The following EYA4 variants were observed in gnomAD, a reference collection of about 807,000 sequenced individuals.
EYA4 encodes the protein EYA transcriptional coactivator and phosphatase 4, also known as protein phosphatase EYA4.
EYA4 carries 31 observed loss-of-function variants against 87.9 expected under a neutral mutation model. That is an observed-to-expected ratio of 0.35 (90% CI 0.27 to 0.48). EYA4 has a LOEUF of 0.48. EYA4 is among the 20% of genes least tolerant of loss of function. EYA4 has a pLI of 0.99. For missense variants in EYA4, 678 were observed against 761.4 expected (o/e 0.89, Z 1.29); for synonymous variants, 263 against 270.6 (o/e 0.97, Z 0.28).
At chr6:133,287,321 G>T (rs1391115378) in intron 2 of EYA4, among the ~76,000 whole-genome samples, 1 of 152,188 alleles carries the variant, frequency 6.6e-6, no homozygotes, top group Non-Finnish European at 1.5e-5. Context: ...AGATAGACTA[G>T]GTTACACCTT....
chr6:133,505,246 C>T (rs777207599), intron 13 of EYA4, among the ~76,000 whole-genome samples: 18 of 152,116 alleles, frequency 1.2e-4, no homozygotes, highest in Non-Finnish European at 2.4e-4. Flanking sequence ...ATGCTCCTTT[C>T]TTTTTAGTCT....
Position 133,468,714 on chromosome 6 carries a change from G to C in EYA4, c.953G>C (p.Gly318Ala). The C allele has an allele frequency of 6.2e-7, 1 of 1,612,968 alleles. No homozygotes were observed. The highest frequency in any genetic ancestry group is 8.5e-7 in the Non-Finnish European group (1 of 1,179,244). ...STYQLQESLP[G>A]LTNQPGEFDT... ...TATCAGTTGCAGGAATCTCTCCCAG[G>C]ACTGACTAACCAACCAGGTACAGAT... The change falls in exon 11 of 20, where the codon GGA becomes GCA. Residue 318 changes from glycine (G) to alanine (A), a missense_variant. Coordinates refer to ENST00000355286, the MANE Select transcript of EYA4 (RefSeq NM_004100.5).
At chr6:133,305,428 T>G (rs945720474) in intron 2 of EYA4, among the ~76,000 whole-genome samples, 3 of 152,126 alleles carry the variant, frequency 2.0e-5, no homozygotes, top group African/African-American at 4.8e-5. Context: ...TGAGAAGTGG[T>G]GCTTGTAAGG....
chr6:133,463,354 CTTTTTTTT>C (rs571663764), intron 9 of EYA4, among the ~76,000 whole-genome samples: 4 of 115,232 alleles, frequency 3.5e-5, no homozygotes, highest in South Asian at 2.8e-4. Context: ...TGTGTTTTAT[CTTTTTTTT>C]TTTTTTTTTT....
Position 133,530,026 on chromosome 6 carries a change from A to G in EYA4, c.*1221A>G, listed in dbSNP as rs1223797073. On this transcript the variant is annotated 3_prime_UTR_variant, in exon 20 of 20. Coordinates refer to ENST00000355286, the MANE Select transcript of EYA4 (RefSeq NM_004100.5). Reference sequence around the variant, plus strand: ...ATAAAGCTAAGTATGTTTATTCCCAATGCCATGGCAAAAATGATAATATCA... The same window carrying G: ...ATAAAGCTAAGTATGTTTATTCCCAGTGCCATGGCAAAAATGATAATATCA... 1.0e-6 allele frequency: 1 copy of G among 985,230 alleles called. No homozygotes were observed. The highest frequency in any genetic ancestry group is 1.2e-6 in the Non-Finnish European group (1 of 829,724). The allele number at this position is 985,230 out of a possible 1,614,324, so 61.0% of individuals were successfully genotyped here.
intron 16 of EYA4, among the ~76,000 whole-genome samples, chr6:133,513,359 A>G (rs1799321562): frequency 6.6e-6 from 1 of 152,220 alleles, no homozygotes; most frequent in Non-Finnish European, 1.5e-5. Context: ...AGAGGAACTA[A>G]CCGAGGCAAC....
At chr6:133,289,755 G>A (rs963754847) in intron 2 of EYA4, among the ~76,000 whole-genome samples, 37 of 151,666 alleles carry the variant, frequency 2.4e-4, no homozygotes, top group African/African-American at 8.8e-4. Context: ...CAAAGTACTT[G>A]AAATTCGGTG....
chr6:133,462,817 A>G, intron 9 of EYA4, 53 bp downstream of exon 9: 1 of 1,523,242 alleles, frequency 6.6e-7, no homozygotes. Context: ...TTTGAGTGAG[A>G]CTCATTGGCT....
chr6:133,391,874 C>T (rs1043389673), intron 3 of EYA4, among the ~76,000 whole-genome samples: 1 of 152,176 alleles, frequency 6.6e-6, no homozygotes, highest in South Asian at 2.1e-4. Flanking sequence ...ACCCCTCCCT[C>T]ATCCTTCACT....
At chr6:133,514,062 A>G (rs1799388488) in intron 16 of EYA4, among the ~76,000 whole-genome samples, 1 of 152,198 alleles carries the variant, frequency 6.6e-6, no homozygotes. Flanking sequence ...GAGATGCTCA[A>G]CAGATACATA....
At chr6:133,282,716 C>T (rs925049975) in intron 2 of EYA4, among the ~76,000 whole-genome samples, 1 of 152,086 alleles carries the variant, frequency 6.6e-6, no homozygotes, top group Non-Finnish European at 1.5e-5. Flanking sequence ...CAGCTGGTAA[C>T]AGCTGTTTGT....
At chr6:133,362,142 C>T (rs533105247) in intron 2 of EYA4, among the ~76,000 whole-genome samples, 49 of 152,260 alleles carry the variant, frequency 3.2e-4, no homozygotes, top group African/African-American at 1.1e-3. Context: ...AGTATTAACC[C>T]TCAAGGTTCT....
At chr6:133,511,115 G>A (rs1226019442) in intron 14 of EYA4, among the ~76,000 whole-genome samples, 1 of 152,100 alleles carries the variant, frequency 6.6e-6, no homozygotes, top group Non-Finnish European at 1.5e-5. Flanking sequence ...TACTGATTGG[G>A]CTAGTCACTG....
intron 2 of EYA4, among the ~76,000 whole-genome samples, chr6:133,297,091 T>C (rs1055008412): frequency 2.0e-5 from 3 of 152,238 alleles, no homozygotes; most frequent in African/African-American, 7.2e-5. Flanking sequence ...TAAATTTTCC[T>C]CAATATGTAA....
intron 12 of EYA4, among the ~76,000 whole-genome samples, chr6:133,482,539 A>C (rs1796305988): frequency 6.6e-6 from 1 of 152,236 alleles, no homozygotes; most frequent in South Asian, 2.1e-4. Context: ...TCATAATTTG[A>C]AATCCTTCAA....
At chr6:133,341,813 T>TA (rs1359622172) in intron 2 of EYA4, among the ~76,000 whole-genome samples, 9 of 151,406 alleles carry the variant, frequency 5.9e-5, no homozygotes, top group African/African-American at 1.5e-4. Flanking sequence ...AAAAAAAACT[T>TA]ACCATTCAAC....
chr6:133,442,375 C>T (rs1792394437), intron 3 of EYA4, among the ~76,000 whole-genome samples: 1 of 152,172 alleles, frequency 6.6e-6, no homozygotes, highest in East Asian at 1.9e-4. Flanking sequence ...TTAACTGGAG[C>T]TAGACTATGA....
chr6:133,430,838 C>T (rs1189018540), intron 3 of EYA4, among the ~76,000 whole-genome samples: 1 of 151,940 alleles, frequency 6.6e-6, no homozygotes, highest in Non-Finnish European at 1.5e-5. Context: ...AGAGGGAGAG[C>T]CAATTAAATA....
At chr6:133,320,388 C>A (rs1780991886) in intron 2 of EYA4, among the ~76,000 whole-genome samples, 2 of 151,826 alleles carry the variant, frequency 1.3e-5, no homozygotes, top group South Asian at 4.2e-4. Flanking sequence ...CTGAATAATT[C>A]TCATTGTTAA....
Sources: allele counts gnomAD v4.1 joint callset (sites outside exome capture counted in the v4.1 genomes callset), GRCh38; gene constraint gnomAD v4.1.1; transcripts MANE v1.5; gene names NCBI Gene and HGNC (gene_info 2026-07-23, HGNC 2026-07-21).